GRID1: variants seen among roughly 807,000 people sequenced by gnomAD.
GRID1 encodes glutamate receptor ionotropic, delta-1.
Under a neutral mutation model 98.0 loss-of-function variants are expected in GRID1, and 28 were observed. That is an observed-to-expected ratio of 0.29 (90% CI 0.21 to 0.39). The LOEUF (loss-of-function observed/expected upper bound fraction) is 0.39. Ranked by LOEUF, GRID1 falls within the 10% of genes least tolerant of loss-of-function variation. The probability of loss-of-function intolerance (pLI) is 1.00; values close to 1 mark genes in which losing one functional copy is unlikely to be tolerated. For synonymous variants in GRID1, 553 were observed against 538.5 expected, an observed-to-expected ratio of 1.03 and a Z score of -0.37; for missense variants, 1,111 against 1,340.5, an observed-to-expected ratio of 0.83 and a Z score of 2.67.
At chr10:85,638,056 A>G (rs529027262) in intron 13 of GRID1, among the ~76,000 whole-genome samples, 1 of 152,334 alleles carries the variant, frequency 6.6e-6, no homozygotes, top group African/African-American at 2.4e-5. Flanking sequence ...ACAAGTGTAA[A>G]ATTAATGATA....
At chr10:86,071,152 T>C (rs1032187308) in intron 4 of GRID1, among the ~76,000 whole-genome samples, 2 of 152,226 alleles carry the variant, frequency 1.3e-5, no homozygotes, top group East Asian at 1.9e-4. Flanking sequence ...ACAGGCTCAA[T>C]TGGAGAATGC....
chr10:85,634,790 A>T (rs899181055), intron 13 of GRID1, among the ~76,000 whole-genome samples: 13 of 152,134 alleles, frequency 8.5e-5, no homozygotes, highest in African/African-American at 3.1e-4. Flanking sequence ...ATAAATCAAA[A>T]TTATTTTCAT....
chr10:86,196,369 A>G (rs972217237), intron 3 of GRID1, among the ~76,000 whole-genome samples: 7 of 151,970 alleles, frequency 4.6e-5, no homozygotes, highest in African/African-American at 1.7e-4. Flanking sequence ...AAAACGAGAA[A>G]TGGTCTGGGA....
chr10:86,092,160 TCAGG>T (rs972817436), intron 4 of GRID1, among the ~76,000 whole-genome samples: 21 of 152,152 alleles, frequency 1.4e-4, no homozygotes, highest in African/African-American at 4.8e-4. Context: ...GAAAAAGAAT[TCAGG>T]AGCTTAGTTA....
chr10:85,608,164 CT>C (rs1162853339), intron 15 of GRID1, among the ~76,000 whole-genome samples: 2 of 152,166 alleles, frequency 1.3e-5, no homozygotes, highest in Non-Finnish European at 1.5e-5. Context: ...GAAATTCATC[CT>C]CCCCATACCA....
chr10:85,728,719 A>C lies in GRID1; in HGVS notation c.1336-667T>G, dbSNP rs550963536. 2.0e-5 allele frequency among the ~76,000 whole-genome samples: 3 copies of C among 152,294 alleles called. No individual in the cohort carries two copies. The East Asian group carries it at 5.8e-4, about 29-fold the overall frequency. On this transcript the variant is annotated intron_variant, in intron 9 of 15. Transcript: ENST00000327946. Reference sequence around the variant, plus strand: ...ACCATTCCCCTTCCTTCTTGTGTGAAACTGAACAAGGGGCCTTTGGCAAAC... The same window carrying C: ...ACCATTCCCCTTCCTTCTTGTGTGACACTGAACAAGGGGCCTTTGGCAAAC...
intron 5 of GRID1, among the ~76,000 whole-genome samples, chr10:85,892,854 G>A (rs953714506): frequency 3.9e-5 from 6 of 152,094 alleles, no homozygotes; most frequent in African/African-American, 7.2e-5. Flanking sequence ...TGCAACTCAT[G>A]TCAGGAGGCC....
intron 13 of GRID1, among the ~76,000 whole-genome samples, chr10:85,634,998 G>GAAA (rs140144576): frequency 2.9e-5 from 1 of 35,012 alleles, no homozygotes; most frequent in Non-Finnish European, 5.4e-5. Flanking sequence ...GAGGAAATCT[G>GAAA]AAAAAAAAAA....
intron 5 of GRID1, among the ~76,000 whole-genome samples, chr10:85,892,385 A>G (rs12762048): frequency 0.12 from 17,757 of 151,804 alleles, 1,191 homozygotes; most frequent in Non-Finnish European, 0.15. Context: ...TTGATGAAGA[A>G]CACACATAAT....
chr10:86,233,531 G>A (rs1006369305), intron 2 of GRID1, among the ~76,000 whole-genome samples: 1 of 152,136 alleles, frequency 6.6e-6, no homozygotes, highest in African/African-American at 2.4e-5. Flanking sequence ...CTCACCCAGG[G>A]GAGCTGCCGG....
At chr10:85,792,178 T>G (rs1842486678) in intron 8 of GRID1, among the ~76,000 whole-genome samples, 1 of 152,268 alleles carries the variant, frequency 6.6e-6, no homozygotes, top group Admixed American at 6.5e-5. Flanking sequence ...TCTACACCAT[T>G]GAAGGATTAT....
At chr10:86,362,658 A>G (rs1057215088) in intron 2 of GRID1, among the ~76,000 whole-genome samples, 3 of 152,068 alleles carry the variant, frequency 2.0e-5, no homozygotes, top group African/African-American at 7.2e-5. Context: ...GCACCCAAGA[A>G]TAGGAGACCC....
intron 4 of GRID1, among the ~76,000 whole-genome samples, chr10:86,134,060 A>G (rs542541837): frequency 2.6e-3 from 398 of 152,364 alleles, no homozygotes; most frequent in Middle Eastern, 0.017. Context: ...GAACCAATAA[A>G]TAAGAGGTGA....
intron 5 of GRID1, among the ~76,000 whole-genome samples, chr10:85,886,032 C>T (rs1382144557): frequency 1.3e-5 from 2 of 149,836 alleles, no homozygotes; most frequent in Non-Finnish European, 2.9e-5. Flanking sequence ...TACCCAGAAC[C>T]AGAGCTGTGT....
rs576774156 is a variant in GRID1 at position 85,601,962 on chromosome 10, T to TG, written c.*310dup. On this transcript the variant is annotated 3_prime_UTR_variant, in exon 16 of 16. Transcript: ENST00000327946. ...TCCTGCCCTCAGAAAGGCCCAGGAA[T>TG]GGGGGGGCTCCTTTGGCACTTCAGA... 17 of 268,504 alleles carry TG rather than the reference T, an allele frequency of 6.3e-5. No individual in the cohort carries two copies. The highest frequency in any genetic ancestry group is 1.1e-4 in the Non-Finnish European group (15 of 142,422). 16.6% of individuals were successfully genotyped at this position (268,504 alleles called of 1,614,324 possible). A position where few individuals can be genotyped will look rare whatever the true frequency, so the allele number is the denominator to read the frequency against.
At chr10:86,322,307 G>A (rs1415549825) in intron 2 of GRID1, among the ~76,000 whole-genome samples, 1 of 152,150 alleles carries the variant, frequency 6.6e-6, no homozygotes, top group Non-Finnish European at 1.5e-5. Context: ...AGAGACCTGA[G>A]AGAATATGGG....
rs191477862 is a variant in GRID1 at position 85,924,202 on chromosome 10, T to G, written c.727-7963A>C. 7.9e-5 allele frequency among the ~76,000 whole-genome samples: 12 copies of G among 152,324 alleles called. No individual in the cohort carries two copies. The East Asian group carries it at 2.3e-3, about 29-fold the overall frequency. ...TTACTACAGTTAAAAAGAATATGAATGTACAGGTGGCCTTTGCTTTGCATG... is the reference window on the plus strand; with the variant it reads ...TTACTACAGTTAAAAAGAATATGAAGGTACAGGTGGCCTTTGCTTTGCATG... On this transcript the variant is annotated intron_variant, in intron 4 of 15. Coordinates refer to ENST00000327946, the MANE Select transcript of GRID1 (RefSeq NM_017551.3).
intron 12 of GRID1, among the ~76,000 whole-genome samples, chr10:85,654,454 TAA>T (rs1029356580): frequency 6.6e-6 from 1 of 152,210 alleles, no homozygotes; most frequent in Non-Finnish European, 1.5e-5. Flanking sequence ...ACGTTATAAA[TAA>T]AAAATGTGAT....
chr10:85,885,096 G>T (rs1841093550), intron 5 of GRID1, among the ~76,000 whole-genome samples: 1 of 152,216 alleles, frequency 6.6e-6, no homozygotes, highest in Admixed American at 6.5e-5. Context: ...TCTCTACTGA[G>T]AATGCACTGA....
Sources: allele counts gnomAD v4.1 joint callset (sites outside exome capture counted in the v4.1 genomes callset), GRCh38; gene constraint gnomAD v4.1.1; transcripts MANE v1.5; gene names NCBI Gene and HGNC (gene_info 2026-07-23, HGNC 2026-07-21).